The following PCID2 variants were observed in gnomAD, a reference collection of about 807,000 sequenced individuals.
The protein encoded by PCID2 is PCI domain-containing protein 2.
A neutral mutation model predicts 61.3 loss-of-function variants in PCID2; 41 were observed. The ratio of observed to expected loss-of-function variants is 0.67; its 90% CI spans 0.52 to 0.87. The LOEUF (loss-of-function observed/expected upper bound fraction) is 0.87. PCID2 is among the 40% of genes least tolerant of loss of function. The pLI is 0.00. For missense variants in PCID2, 392 were observed against 493.4 expected, an observed-to-expected ratio of 0.79 and a Z score of 1.95; for synonymous variants, 187 against 177.8, an observed-to-expected ratio of 1.05 and a Z score of -0.41.
downstream of PCID2, among the ~76,000 whole-genome samples, chr13:113,172,690 G>A (rs925242414): frequency 6.6e-6 from 1 of 152,198 alleles, no homozygotes; most frequent in Non-Finnish European, 1.5e-5. Flanking sequence ...GAGGAGGCAC[G>A]CCGGCGTCTC....
In PCID2 at chr13:113,183,808, T is replaced by C. The variant is rs144437600; in HGVS notation, c.685+538A>G. ...TTACCAACGTAAACTAATACAATAG[T>C]GTCAGGTGTGGCAGCGACACGCCGT... On this transcript the variant is annotated intron_variant, in intron 9 of 13. Transcript: ENST00000337344. 1.6e-3 allele frequency: 1,580 copies of C among 984,856 alleles called. 24 individuals are homozygous for C. The African/African-American group carries it at 0.024, about 15-fold the overall frequency. The allele number at this position is 984,856 out of a possible 1,614,324, so 61.0% of individuals were successfully genotyped here. A position where few individuals can be genotyped will look rare whatever the true frequency, so the allele number is the denominator to read the frequency against.
Position 113,190,889 on chromosome 13 carries a change from C to T in PCID2, c.450G>A (p.Arg150=). ...TTACTCACGTGTCGCTGGCACAGAC[C>T]CGGAAACAGCTCATCAGTAACTCTG... The part of the protein sequence containing the change: ...KAAELLMSCF[R]VCASDTRAGI... The change falls in exon 7 of 14, where the codon CGG becomes CGA. Residue 150 remains arginine, a synonymous_variant. Coordinates refer to ENST00000337344, the MANE Select transcript of PCID2 (RefSeq NM_001127202.4). 4.3e-6 allele frequency: 7 copies of T among 1,612,232 alleles called. No individual in the cohort carries two copies. The highest frequency in any genetic ancestry group is 5.9e-6 in the Non-Finnish European group (7 of 1,178,882).
chr13:113,196,912 G>A (rs931468408), intron 4 of PCID2: 1 of 846,994 alleles, frequency 1.2e-6, no homozygotes, highest in Middle Eastern at 2.5e-4. Context: ...CTTACTAAAG[G>A]CAACAAAGCA....
the PCID2 span, among the ~76,000 whole-genome samples, chr13:113,170,255 T>C: frequency 7.5e-6 from 1 of 132,960 alleles, no homozygotes. Context: ...TCCTGTACCA[T>C]TTGAGTGCTG....
intron 10 of PCID2, among the ~76,000 whole-genome samples, 186 bp downstream of exon 10, chr13:113,180,944 C>T (rs567955478): frequency 9.9e-5 from 15 of 152,252 alleles, no homozygotes; most frequent in Admixed American, 3.3e-4. Context: ...GACCTGGAGG[C>T]GTAAGGCATG....
intron 4 of PCID2, 55 bp from the exon 5 acceptor site, chr13:113,196,277 A>G: frequency 7.7e-7 from 1 of 1,302,422 alleles, no homozygotes; most frequent in East Asian, 2.3e-5. Flanking sequence ...TACGTACGAT[A>G]AAAGTAAAGA....
At chr13:113,185,650 T>G in intron 7 of PCID2, 90 bp from the exon 8 acceptor site, 1 of 788,058 alleles carries the variant, frequency 1.3e-6, no homozygotes, top group Non-Finnish European at 2.1e-6. Flanking sequence ...AATTAATATC[T>G]TGAGGTAAGT....
At chr13:113,171,957 T>C in the PCID2 span, 1 of 1,613,516 alleles carries the variant, frequency 6.2e-7, no homozygotes. This position sits in a 1 kb window ranked among gnomAD's most constrained non-coding sequence, Gnocchi z 5.1. Context: ...ATGCACTGGA[T>C]GGATGGAAGT....
rs375476793 is a variant in PCID2, at chr13:113,200,528, G to C, written c.37-12C>G. 7.9e-5 allele frequency: 123 copies of C among 1,564,916 alleles called. No homozygotes were observed. The highest frequency in any genetic ancestry group is 1.0e-4 in the Non-Finnish European group (113 of 1,135,410). On this transcript the variant is annotated splice_polypyrimidine_tract_variant and intron_variant, in intron 1 of 13. Transcript: ENST00000337344. ...ATGGCTTCGTACACCTGAAACATTT[G>C]AAAGGGAAACCTAAGTAGAAAATAA... is the stretch of plus-strand genomic sequence containing the variant.
chr13:113,176,537 GA>G (rs2037190711), downstream of PCID2, among the ~76,000 whole-genome samples: 1 of 152,398 alleles, frequency 6.6e-6, no homozygotes, highest in African/African-American at 2.4e-5. Flanking sequence ...CGAGGTGGGG[GA>G]ATTGCTTTAG....
At chr13:113,170,431 G>T in the PCID2 span, 1 of 1,603,886 alleles carries the variant, frequency 6.2e-7, no homozygotes, top group Non-Finnish European at 8.5e-7. Context: ...AACAAATTCC[G>T]AAGGAAAAGA....
chr13:113,208,599 C>A lies in PCID2; in HGVS notation c.36G>T (p.Gln12His), dbSNP rs138888496. 3.1e-6 allele frequency: 5 copies of A among 1,606,634 alleles called. No individual in the cohort carries two copies. Among genetic ancestry groups the A allele is most frequent in the Non-Finnish European group, 4.2e-6 (5 of 1,177,116 alleles). Residue 12 changes from glutamine (Q) to histidine (H), a missense_variant and splice_region_variant, in exon 1 of 14, where the codon CAG (glutamine) becomes CAT (histidine). Gln to His is a conservative substitution (Grantham distance 24, BLOSUM62 0). Transcript: ENST00000337344. ...CGCGCGCTCCCCGGCTAGGACCCAC[C>A]TGCTGCAGGTACTGGTTAATGGTAA... Reference protein sequence around the residue: ...AHITINQYLQQVYEAIDSRDG... With the variant: ...AHITINQYLQHVYEAIDSRDG...
chr13:113,166,557 G>A, the PCID2 span: 2 of 152,212 alleles, frequency 1.3e-5, no homozygotes, highest in Admixed American at 1.3e-4. Flanking sequence ...TGGAGCTCAA[G>A]GACTTGAAGC....
In PCID2 at chr13:113,184,476, G is replaced by T; in HGVS notation, c.555C>A (p.Leu185=). The change falls in exon 9 of 14, where the codon CTC becomes CTA. Residue 185 remains leucine, a synonymous_variant. Coordinates refer to ENST00000337344, the MANE Select transcript of PCID2 (RefSeq NM_001127202.4). ...CTCTAATTAGGGGTTTACATAAATGGAGTTTGTTGATCTATAATGAATAAC... is the reference window on the plus strand; with the variant it reads ...CTCTAATTAGGGGTTTACATAAATGTAGTTTGTTGATCTATAATGAATAAC... ...LFKIYFKINK[L]HLCKPLIRAI... is the part of the protein sequence containing the mutation. The T allele has an allele frequency of 6.3e-7, 1 of 1,581,732 alleles. No individual in the cohort carries two copies. The highest frequency in any genetic ancestry group is 1.1e-5 in the South Asian group (1 of 90,282).
intron 2 of PCID2, among the ~76,000 whole-genome samples, chr13:113,199,621 T>C (rs1413764009): frequency 6.6e-6 from 1 of 152,190 alleles, no homozygotes; most frequent in Non-Finnish European, 1.5e-5. Flanking sequence ...TGTCCTCTCA[T>C]GTCATACAAT....
Position 113,181,059 on chromosome 13 carries a change from T to TA in PCID2, c.786+70dup, listed in dbSNP as rs2037591706. The TA allele has an allele frequency of 5.8e-6, 6 of 1,028,284 alleles. No individual in the cohort carries two copies. In the South Asian group the frequency reaches 6.4e-5, roughly 11 times the overall value. The allele number at this position is 1,028,284 out of a possible 1,614,324, so 63.7% of individuals were successfully genotyped here. The stretch of plus-strand genomic sequence containing the variant: ...CAACTACAGACTGTCTGCTAGGTTT[T>TA]AAAAAAACCTATCAGCTGTCAACTT... On this transcript the variant is annotated intron_variant, in intron 10 of 13. Coordinates refer to ENST00000337344, the MANE Select transcript of PCID2 (RefSeq NM_001127202.4).
At chr13:113,175,014 G>A (rs1033921908), downstream of PCID2, among the ~76,000 whole-genome samples, 1 of 152,146 alleles carries the variant, frequency 6.6e-6, no homozygotes, top group East Asian at 1.9e-4. Context: ...GCTCCCCCAC[G>A]CTGTTCTCGT....
chr13:113,174,007 T>C (rs1595133101), downstream of PCID2, among the ~76,000 whole-genome samples: 1 of 151,498 alleles, frequency 6.6e-6, no homozygotes, highest in South Asian at 2.1e-4. Context: ...GGCGGGCGGA[T>C]CACGAGGTCA....
chr13:113,171,716 C>CA, the PCID2 span: 1 of 1,613,210 alleles, frequency 6.2e-7, no homozygotes, highest in Admixed American at 1.7e-5. This position sits in a 1 kb window ranked among gnomAD's most constrained non-coding sequence, Gnocchi z 5.1. Context: ...GTGGCCCATC[C>CA]AGTGCCCAGG....
Sources: gnomAD v4.1 joint callset for allele counts (sites outside exome capture counted in the v4.1 genomes callset) on GRCh38, gnomAD v4.1.1 for gene constraint, Gnocchi (gnomAD v3.1) non-coding constraint, MANE v1.5 for transcripts, NCBI Gene and HGNC (gene_info 2026-07-23, HGNC 2026-07-21) for gene names.